RBFOX1: variants seen among roughly 807,000 people sequenced by gnomAD.
RBFOX1 encodes RNA binding fox-1 homolog 1.
Under a neutral mutation model 57.7 loss-of-function variants are expected in RBFOX1, and 8 were observed. The ratio of observed to expected loss-of-function variants is 0.14; its 90% CI spans 0.08 to 0.25. The LOEUF (loss-of-function observed/expected upper bound fraction) is 0.25, where lower values mean the gene tolerates loss of function less well. Ranked by LOEUF, RBFOX1 falls within the 10% of genes least tolerant of loss-of-function variation. RBFOX1 has a pLI of 1.00. For missense variants in RBFOX1, 611 were observed against 548.5 expected (o/e 1.11, Z -1.14); for synonymous variants, 326 against 222.4 (o/e 1.47, Z -4.15).
intron 2 of RBFOX1, among the ~76,000 whole-genome samples, chr16:6,614,330 T>C (rs2098113846): frequency 1.3e-5 from 2 of 152,190 alleles, no homozygotes; most frequent in Non-Finnish European, 1.5e-5. Context: ...CAGCCATCTT[T>C]AAATATCATG....
chr16:5,250,139 A>AG (rs2062413479), intron 1 of RBFOX1, among the ~76,000 whole-genome samples: 1 of 151,968 alleles, frequency 6.6e-6, no homozygotes, highest in South Asian at 2.1e-4. Flanking sequence ...AACAAAAAAA[A>AG]AAAGAAAAAA....
At chr16:6,994,662 C>G (rs1178769787) in intron 3 of RBFOX1, among the ~76,000 whole-genome samples, 1 of 152,186 alleles carries the variant, frequency 6.6e-6, no homozygotes, top group African/African-American at 2.4e-5. Flanking sequence ...TCCACTTAAT[C>G]TCTTTTATGC....
intron 1 of RBFOX1, among the ~76,000 whole-genome samples, chr16:5,352,041 G>A (rs2065273378): frequency 6.6e-6 from 1 of 152,050 alleles, no homozygotes; most frequent in Non-Finnish European, 1.5e-5. Context: ...CCTGACCTCA[G>A]GTGATCCACC....
At chr16:5,244,810 G>A (rs931729963) in intron 1 of RBFOX1, among the ~76,000 whole-genome samples, 1 of 152,214 alleles carries the variant, frequency 6.6e-6, no homozygotes, top group Non-Finnish European at 1.5e-5. Context: ...AAGAAGACAC[G>A]GAGCACATTC....
intron 4 of RBFOX1, among the ~76,000 whole-genome samples, chr16:7,430,726 A>T (rs1230047018): frequency 6.6e-6 from 1 of 151,970 alleles, no homozygotes; most frequent in East Asian, 1.9e-4. Context: ...GGCATGGAAT[A>T]GTACATTGGA....
intron 4 of RBFOX1, among the ~76,000 whole-genome samples, chr16:7,410,396 C>G (rs1287617607): frequency 1.3e-5 from 2 of 152,204 alleles, no homozygotes; most frequent in Non-Finnish European, 2.9e-5. Flanking sequence ...AAGACTGCAG[C>G]CTCGGCTGAG....
Position 7,683,010 on chromosome 16 carries a change from G to GTGTATATATATATATATA in RBFOX1, c.995+6173_995+6174insGTATATATATATATATAT. Among the ~76,000 whole-genome samples, 2 of 4,900 alleles carry GTGTATATATATATATATA rather than the reference G, an allele frequency of 4.1e-4. 1 individual carries two copies. Among genetic ancestry groups the GTGTATATATATATATATA allele is most frequent in the African/African-American group, 8.4e-4 (2 of 2,374 alleles). 3.2% of individuals were successfully genotyped at this position (4,900 alleles called of 152,430 possible). ...TTAATACTTCTATGTGTGTGTGTGTGTATATATATATATATATATATATAA... is the reference window on the plus strand; with the variant it reads ...TTAATACTTCTATGTGTGTGTGTGTGTGTATATATATATATATATATATATATATATATATATATATAA... On this transcript the variant is annotated intron_variant, in intron 14 of 15. Transcript: ENST00000550418.
intron 3 of RBFOX1, among the ~76,000 whole-genome samples, chr16:6,773,291 G>T (rs2078723023): frequency 6.9e-6 from 1 of 144,282 alleles, no homozygotes; most frequent in African/African-American, 2.6e-5. Context: ...GTATGTGTGG[G>T]TGTGGGGTGC....
chr16:7,649,032 A>G (rs2064363199), intron 11 of RBFOX1, among the ~76,000 whole-genome samples: 1 of 152,202 alleles, frequency 6.6e-6, no homozygotes, highest in South Asian at 2.1e-4. Flanking sequence ...TCCAGACCCT[A>G]AGAGAGGATT....
chr16:5,931,873 T>C (rs1459277169), intron 4 of RBFOX1, among the ~76,000 whole-genome samples: 4 of 152,188 alleles, frequency 2.6e-5, no homozygotes, highest in African/African-American at 7.2e-5. Context: ...AGTGGCACAG[T>C]CCTAACTCAC....
At chr16:6,255,101 C>A (rs8061597) in intron 1 of RBFOX1, among the ~76,000 whole-genome samples, 101,902 of 152,100 alleles carry the variant, frequency 0.67, 39,687 homozygotes, top group Non-Finnish European at 0.86. Flanking sequence ...TTCAGCTCAG[C>A]AGGCTGGGGA....
At chr16:6,096,776 T>C (rs1056663917) in intron 1 of RBFOX1, among the ~76,000 whole-genome samples, 1 of 152,250 alleles carries the variant, frequency 6.6e-6, no homozygotes, top group African/African-American at 2.4e-5. Context: ...GATAATACCC[T>C]TGATTATCTA....
rs59443071 is a variant in RBFOX1, at chr16:5,381,230, C to T, written c.220-85986C>T. Among the ~76,000 whole-genome samples the T allele has an allele frequency of 1.8e-3, 268 of 152,290 alleles. 4 individuals are homozygous for T. The East Asian group carries it at 0.047, about 27-fold the overall frequency. ...AGACTCAGTAAAAGGCAGGGCAGAC[C>T]CTATGCCCTTGGGTGAGTCATCATC... On this transcript the variant is annotated intron_variant, in intron 1 of 2. Coordinates refer to the RBFOX1 transcript ENST00000585867.
intron 3 of RBFOX1, among the ~76,000 whole-genome samples, chr16:6,862,722 C>T (rs1238022828): frequency 1.3e-5 from 2 of 152,178 alleles, no homozygotes; most frequent in East Asian, 1.9e-4. Flanking sequence ...CTGTGGCTCA[C>T]ACCTGTAATC....
chr16:5,968,295 A>T (rs747569117), intron 4 of RBFOX1, among the ~76,000 whole-genome samples: 2 of 151,958 alleles, frequency 1.3e-5, no homozygotes, highest in Non-Finnish European at 2.9e-5. Flanking sequence ...GGCTGGTCTC[A>T]AACTCCTGAC....
At chr16:5,716,390 C>T (rs1200389053) in intron 3 of RBFOX1, among the ~76,000 whole-genome samples, 1 of 152,148 alleles carries the variant, frequency 6.6e-6, no homozygotes, top group Non-Finnish European at 1.5e-5. Context: ...TGATCCTCTC[C>T]CTCCTCTCAC....
At chr16:7,087,708 A>T (rs780109627) in intron 4 of RBFOX1, among the ~76,000 whole-genome samples, 5 of 152,166 alleles carry the variant, frequency 3.3e-5, no homozygotes, top group African/African-American at 4.8e-5. Context: ...TGTGTAAGGA[A>T]AGAAGAGGGT....
chr16:6,558,259 G>C (rs2097132333), intron 2 of RBFOX1, among the ~76,000 whole-genome samples: 1 of 152,098 alleles, frequency 6.6e-6, no homozygotes, highest in South Asian at 2.1e-4. Context: ...CCCATTGTTA[G>C]AGGCAATCAG....
chr16:5,627,986 A>G (rs549495326), intron 3 of RBFOX1, among the ~76,000 whole-genome samples: 1 of 152,344 alleles, frequency 6.6e-6, no homozygotes, highest in South Asian at 2.1e-4. Flanking sequence ...AGGCATTCTT[A>G]TAGCCTTAGG....
Sources: allele counts gnomAD v4.1 joint callset (sites outside exome capture counted in the v4.1 genomes callset), GRCh38; gene constraint gnomAD v4.1.1; transcripts MANE v1.5; gene names NCBI Gene and HGNC (gene_info 2026-07-23, HGNC 2026-07-21).